MMP2: variants seen among roughly 807,000 people sequenced by gnomAD.
MMP2 encodes matrix metallopeptidase 2.
In MMP2, 39 loss-of-function variants were observed where a neutral mutation model predicts 74.8. The observed-to-expected ratio is 0.52, with a 90% CI of 0.40 to 0.68. The LOEUF (loss-of-function observed/expected upper bound fraction) is 0.68. Ranked by LOEUF, MMP2 falls within the 30% of genes least tolerant of loss-of-function variation. MMP2 has a pLI of 0.00. For missense variants in MMP2, 803 were observed against 878.3 expected (o/e 0.91, Z 1.08); for synonymous variants, 367 against 339.8 (o/e 1.08, Z -0.88).
intron 1 of MMP2, chr16:55,481,637 G>T: frequency 2.0e-6 from 1 of 496,526 alleles, no homozygotes; most frequent in Non-Finnish European, 3.6e-6. Flanking sequence ...AGATGGAGGT[G>T]CCTGGTTTGA....
At chr16:55,483,657 T>G (rs1167736749) in intron 2 of MMP2, among the ~76,000 whole-genome samples, 1 of 152,154 alleles carries the variant, frequency 6.6e-6, no homozygotes, top group Non-Finnish European at 1.5e-5. Flanking sequence ...ATCTTTGCCC[T>G]GTGCCCCATA....
At chr16:55,485,474 C>G (rs911301118) in intron 4 of MMP2, 47 bp downstream of exon 4, 11 of 1,613,902 alleles carry the variant, frequency 6.8e-6, no homozygotes, top group Middle Eastern at 1.7e-4. Context: ...CTCCTGTCCT[C>G]TCTCCACTCC....
chr16:55,504,685 C>G (rs1466268434), intron 12 of MMP2, among the ~76,000 whole-genome samples: 2 of 147,694 alleles, frequency 1.4e-5, no homozygotes, highest in African/African-American at 5.0e-5. Context: ...CAGAGTCTCC[C>G]TCTGTCGCCC....
chr16:55,484,774 G>T (rs1356379949), intron 3 of MMP2, among the ~76,000 whole-genome samples: 2 of 152,222 alleles, frequency 1.3e-5, no homozygotes, highest in Non-Finnish European at 2.9e-5. Context: ...AAGGTATGTG[G>T]TATAGACACT....
chr16:55,500,439 C>G (rs1962637120), intron 11 of MMP2, among the ~76,000 whole-genome samples: 1 of 149,968 alleles, frequency 6.7e-6, no homozygotes, highest in Admixed American at 6.7e-5. Flanking sequence ...TGTAAACATG[C>G]AAAAACAGAC....
At chr16:55,496,876 T>C (rs765151553) in intron 9 of MMP2, 50 bp from the exon 10 acceptor site, 1 of 1,610,076 alleles carries the variant, frequency 6.2e-7, no homozygotes, top group Non-Finnish European at 8.5e-7. Flanking sequence ...TGGTTCGAGC[T>C]GCAGGGTGAC....
rs1962433556 is a variant in MMP2, at chr16:55,492,435, T to A, written c.1336+479T>A. On this transcript the variant is annotated intron_variant, in intron 8 of 12. Transcript: ENST00000219070. ...CCAGTGCCTTAAGCCAATTATTTAT[T>A]TATTTATTTATTTATTTATTTATTT... is the stretch of plus-strand genomic sequence containing the variant. Among the ~76,000 whole-genome samples, 4 of 120,684 alleles carry A rather than the reference T, an allele frequency of 3.3e-5. No individual in the cohort carries two copies. In the South Asian group the frequency reaches 8.6e-4, roughly 26 times the overall value. 79.2% of individuals were successfully genotyped at this position (120,684 alleles called of 152,430 possible).
rs757584642 is a variant in MMP2, at chr16:55,485,663, A to C, written c.718A>C (p.Asn240His). ...GTACTGCAAGTTCCCCTTCTTGTTC[A>C]ATGGCAAGGAGTACAACAGCTGCAC... ...GEYCKFPFLF[N>H]GKEYNSCTDT... The change falls in exon 5 of 13, where the codon AAT becomes CAT. Residue 240 changes from asparagine to histidine, a missense_variant. Transcript: ENST00000219070. The C allele has an allele frequency of 1.9e-5, 30 of 1,614,146 alleles. 1 individual carries two copies. The highest frequency in any genetic ancestry group is 2.5e-5 in the Non-Finnish European group (29 of 1,180,010).
chr16:55,479,595 G>A lies in MMP2; in HGVS notation c.116G>A (p.Gly39Asp), dbSNP rs1962044546. The change falls in exon 1 of 13, where the codon GGC (glycine) becomes GAC (aspartate). Residue 39 changes from glycine (G) to aspartate (D), a missense_variant. Transcript: ENST00000219070. ...CCGTCGCCCATCATCAAGTTCCCCG[G>A]CGATGTCGCCCCCAAAACGGACAAA... ...AAPSPIIKFP[G>D]DVAPKTDKEL... 1.2e-6 allele frequency: 2 copies of A among 1,613,786 alleles called. No homozygotes were observed. The highest frequency in any genetic ancestry group is 1.7e-6 in the Non-Finnish European group (2 of 1,180,010).
Position 55,498,465 on chromosome 16 carries a change from G to T in MMP2, c.1769+17G>T. On this transcript the variant is annotated intron_variant, in intron 11 of 12. Coordinates refer to ENST00000219070, the MANE Select transcript of MMP2 (RefSeq NM_004530.6). ...ATTCTGGAGGTAAGGGAGGGCGGTG[G>T]GTAGGACAGCAGCACAGTTGGCTGC... 6.2e-7 allele frequency: 1 copy of T among 1,614,072 alleles called. No homozygotes were observed. Among genetic ancestry groups the T allele is most frequent in the Non-Finnish European group, 8.5e-7 (1 of 1,179,986 alleles).
At position 55,479,452 on chromosome 16, in the gene MMP2, G is replaced by C. The variant is rs1321422207; in HGVS notation, c.-28G>C. 6.8e-7 allele frequency: 1 copy of C among 1,474,606 alleles called. No homozygotes were observed. The highest frequency in any genetic ancestry group is 9.0e-7 in the Non-Finnish European group (1 of 1,116,844). 91.3% of individuals were successfully genotyped at this position (1,474,606 alleles called of 1,614,324 possible). A position where few individuals can be genotyped will look rare whatever the true frequency, so the allele number is the denominator to read the frequency against. ...CACGCACCGAGCCAGCGACCCCCGG[G>C]CGACGCGCGGGGCCAGGGAGCGCTA... is the stretch of plus-strand genomic sequence containing the variant. On this transcript the variant is annotated 5_prime_UTR_variant, in exon 1 of 13. Coordinates refer to ENST00000219070, the MANE Select transcript of MMP2 (RefSeq NM_004530.6).
chr16:55,497,144 C>G, intron 10 of MMP2, 82 bp downstream of exon 10: 1 of 1,583,996 alleles, frequency 6.3e-7, no homozygotes, highest in Admixed American at 1.7e-5. Flanking sequence ...GCTCACTCCC[C>G]CTCTCAAACC....
intron 9 of MMP2, among the ~76,000 whole-genome samples, chr16:55,493,781 A>G (rs1212980058): frequency 2.0e-5 from 3 of 152,224 alleles, no homozygotes; most frequent in Non-Finnish European, 4.4e-5. Flanking sequence ...AAATGGAGGG[A>G]AGAATTGGGA....
chr16:55,503,206 G>C (rs1355881408), intron 12 of MMP2, among the ~76,000 whole-genome samples: 1 of 152,200 alleles, frequency 6.6e-6, no homozygotes, highest in African/African-American at 2.4e-5. Flanking sequence ...TCTGGGGTTT[G>C]ATCCAGGCCC....
In MMP2 at chr16:55,500,494, TACACACACACACACACACAC is replaced by T. The variant is rs55996787; in HGVS notation, c.1769+2072_1769+2091del. ...ACATGATTGTGTGCGCATGTGCGCA[TACACACACACACACACACAC>T]ACACACACACACACACACACACACA... is the stretch of plus-strand genomic sequence containing the variant. On this transcript the variant is annotated intron_variant, in intron 11 of 12. Transcript: ENST00000219070. Among the ~76,000 whole-genome samples the T allele has an allele frequency of 4.4e-5, 6 of 136,270 alleles. No individual in the cohort carries two copies. In the East Asian group the frequency reaches 7.1e-4, roughly 16 times the overall value. The allele number at this position is 136,270 out of a possible 152,430, so 89.4% of individuals were successfully genotyped here. A position where few individuals can be genotyped will look rare whatever the true frequency, so the allele number is the denominator to read the frequency against.
At chr16:55,493,053 A>T in intron 8 of MMP2, 105 bp from the exon 9 acceptor site, 1 of 1,429,288 alleles carries the variant, frequency 7.0e-7, no homozygotes, top group Non-Finnish European at 9.7e-7. Flanking sequence ...CCAGAAGGCG[A>T]TTTCTTCTGA....
chr16:55,489,639 C>G lies in MMP2; in HGVS notation c.1007-12C>G, dbSNP rs140079276. The G allele has an allele frequency of 2.4e-4, 382 of 1,613,966 alleles. No homozygotes were observed. The African/African-American group carries it at 4.7e-3, about 20-fold the overall frequency. ...CTTTGCTGCGCCTTGACCCGTATCC[C>G]TAACCCCACAGCCATGTCCACTGTT... On this transcript the variant is annotated splice_polypyrimidine_tract_variant and intron_variant, in intron 6 of 12. Coordinates refer to ENST00000219070, the MANE Select transcript of MMP2 (RefSeq NM_004530.6).
At position 55,488,716 on chromosome 16, in the gene MMP2, G is replaced by A. The variant is rs1019194457; in HGVS notation, c.1006G>A (p.Ala336Thr). ...GAAGTATGGCTTCTGCCCTGAGACC[G>A]GTGGGTGCCACTCCCTCTCCCTCCC... The part of the protein sequence containing the change: ...DKKYGFCPET[A>T]MSTVGGNSEG... The change falls in exon 6 of 13, where the codon GCC becomes ACC. Residue 336 changes from alanine to threonine, a missense_variant and splice_region_variant. Transcript: ENST00000219070. 5 of 1,593,494 alleles carry A rather than the reference G, an allele frequency of 3.1e-6. No individual in the cohort carries two copies. In the African/African-American group the frequency reaches 4.0e-5, roughly 13 times the overall value.
intron 11 of MMP2, among the ~76,000 whole-genome samples, chr16:55,500,166 G>A (rs80345658): frequency 0.05 from 7,640 of 152,116 alleles, 217 homozygotes; most frequent in East Asian, 0.1. Flanking sequence ...AAACAGTCAG[G>A]CAGGAAACCA....
Sources: allele counts gnomAD v4.1 joint callset (sites outside exome capture counted in the v4.1 genomes callset), GRCh38; gene constraint gnomAD v4.1.1; transcripts MANE v1.5; gene names NCBI Gene and HGNC (gene_info 2026-07-23, HGNC 2026-07-21).